RXFP2: variants seen among roughly 807,000 people sequenced by gnomAD.
RXFP2 encodes relaxin receptor 2.
RXFP2 carries 68 observed loss-of-function variants against 88.6 expected under a neutral mutation model. The ratio of observed to expected loss-of-function variants is 0.77; its 90% CI spans 0.63 to 0.94. RXFP2 has a LOEUF of 0.94. RXFP2 is among the 40% of genes least tolerant of loss of function. The pLI is 0.00. For missense variants in RXFP2, 791 were observed against 893.9 expected (o/e 0.88, Z 1.47); for synonymous variants, 329 against 306.8 (o/e 1.07, Z -0.76).
intron 1 of RXFP2, among the ~76,000 whole-genome samples, chr13:31,746,510 G>C (rs1871422745): frequency 6.6e-6 from 1 of 152,116 alleles, no homozygotes; most frequent in Admixed American, 6.5e-5. Context: ...TTTACCTATA[G>C]AGCAGACTTG....
intron 16 of RXFP2, among the ~76,000 whole-genome samples, 170 bp downstream of exon 16, chr13:31,793,258 CTT>C (rs1324238063): frequency 6.6e-6 from 1 of 152,040 alleles, no homozygotes; most frequent in African/African-American, 2.4e-5. Context: ...TTTTATTAAA[CTT>C]TTTATTAGAC....
At position 31,802,171 on chromosome 13, in the gene RXFP2, T is replaced by A. The variant is rs775384621; in HGVS notation, c.2031T>A (p.Ile677=). 10 of 1,614,018 alleles carry A rather than the reference T, an allele frequency of 6.2e-6. No individual in the cohort carries two copies. The East Asian group carries it at 2.0e-4, about 32-fold the overall frequency. ...IPDTMTSWIV[I]FFLPVNSALN... ...ACACAATGACTTCCTGGATAGTGAT[T>A]TTTTTCCTTCCAGTTAACAGTGCTT... Residue 677 remains isoleucine, a synonymous_variant, in exon 18 of 18, where the codon ATT becomes ATA. Coordinates refer to ENST00000298386, the MANE Select transcript of RXFP2 (RefSeq NM_130806.5).
intron 1 of RXFP2, among the ~76,000 whole-genome samples, chr13:31,755,447 G>A (rs1016531899): frequency 6.6e-6 from 1 of 152,066 alleles, no homozygotes; most frequent in African/African-American, 2.4e-5. Context: ...GAGAGTGAGT[G>A]TGGGGGTGTA....
At chr13:31,765,907 G>C in intron 4 of RXFP2, 49 bp from the exon 5 acceptor site, 1 of 872,728 alleles carries the variant, frequency 1.1e-6, no homozygotes, top group South Asian at 1.4e-5. Flanking sequence ...GGGAAGAGTG[G>C]GTTGGCCATA....
chr13:31,748,652 C>G lies in RXFP2; in HGVS notation c.94+8946C>G, dbSNP rs1871526726. Among the ~76,000 whole-genome samples the G allele has an allele frequency of 2.6e-5, 4 of 152,112 alleles. No individual in the cohort carries two copies. The South Asian group carries it at 8.3e-4, about 32-fold the overall frequency. ...AGACCCTTTGCAAATATCCTCTACT[C>G]TGCAGCTTGTCTTTGCACTCTCTTA... On this transcript the variant is annotated intron_variant, in intron 1 of 17. Coordinates refer to ENST00000298386, the MANE Select transcript of RXFP2 (RefSeq NM_130806.5).
intron 17 of RXFP2, among the ~76,000 whole-genome samples, chr13:31,797,878 G>C (rs939020060): frequency 1.8e-4 from 28 of 152,126 alleles, no homozygotes; most frequent in Non-Finnish European, 8.8e-5. Context: ...TGCGGAGCAC[G>C]AGATATTTCC....
chr13:31,778,480 T>C lies in RXFP2; in HGVS notation c.714-32T>C, dbSNP rs145907280. On this transcript the variant is annotated intron_variant, in intron 8 of 17. Coordinates refer to ENST00000298386, the MANE Select transcript of RXFP2 (RefSeq NM_130806.5). ...ACTGTCCTAAAAGTGTCATATCATT[T>C]TATTTCTAATTAACATTTTCTTTGT... 1.8e-3 allele frequency: 2,637 copies of C among 1,436,736 alleles called. 45 individuals carry two copies. In the African/African-American group the frequency reaches 0.032, roughly 18 times the overall value. The allele number at this position is 1,436,736 out of a possible 1,614,324, so 89.0% of individuals were successfully genotyped here.
chr13:31,763,289 T>C (rs1348440304), intron 3 of RXFP2, among the ~76,000 whole-genome samples: 5 of 152,080 alleles, frequency 3.3e-5, no homozygotes, highest in Non-Finnish European at 7.4e-5. Flanking sequence ...CTTACCATGT[T>C]GCCCAGGCTG....
At position 31,758,315 on chromosome 13, in the gene RXFP2, C is replaced by T; in HGVS notation, c.152C>T (p.Pro51Leu). The T allele has an allele frequency of 1.2e-6, 2 of 1,614,036 alleles. No homozygotes were observed. Among genetic ancestry groups the T allele is most frequent in the Non-Finnish European group, 1.7e-6 (2 of 1,180,000 alleles). The change falls in exon 2 of 18, where the codon CCC becomes CTC. Residue 51 changes from proline (P) to leucine (L), a missense_variant. Physicochemically the swap from Pro to Leu is moderately conservative, Grantham distance 98 (BLOSUM62 -3). Transcript: ENST00000298386. ...ITPSCQKGYF[P>L]CGNLTKCLPR... ...CCTTCATGCCAAAAAGGATATTTTC[C>T]CTGTGGGAATCTTACCAAGTGCTTA...
Position 31,793,028 on chromosome 13 carries a change from C to T in RXFP2, c.1726C>T (p.Leu576Phe). The T allele has an allele frequency of 6.2e-7, 1 of 1,613,136 alleles. No homozygotes were observed. ...TGGGAAAAATGGAGTATGTTTCCCACTTTATTATGACCAAACAGAAGATAT... is the reference window on the plus strand; with the variant it reads ...TGGGAAAAATGGAGTATGTTTCCCATTTTATTATGACCAAACAGAAGATAT... ...FYGKNGVCFPLYYDQTEDIGS... is the reference protein window; with the variant it reads ...FYGKNGVCFPFYYDQTEDIGS... The change falls in exon 16 of 18, where the codon CTT (leucine) becomes TTT (phenylalanine). Residue 576 changes from leucine (L) to phenylalanine (F), a missense_variant. Leu to Phe is a conservative substitution (Grantham distance 22). Coordinates refer to ENST00000298386, the MANE Select transcript of RXFP2 (RefSeq NM_130806.5).
intron 1 of RXFP2, among the ~76,000 whole-genome samples, chr13:31,740,746 T>A (rs1338749561): frequency 6.6e-6 from 1 of 152,022 alleles, no homozygotes; most frequent in African/African-American, 2.4e-5. Flanking sequence ...AAAATCTATA[T>A]CTCCATGCAC....
At chr13:31,748,807 A>G (rs1254674025) in intron 1 of RXFP2, among the ~76,000 whole-genome samples, 1 of 152,166 alleles carries the variant, frequency 6.6e-6, no homozygotes, top group Admixed American at 6.5e-5. Flanking sequence ...CAACATGGTG[A>G]AACCCCATCT....
At chr13:31,754,539 A>G (rs547701642) in intron 1 of RXFP2, among the ~76,000 whole-genome samples, 3 of 152,290 alleles carry the variant, frequency 2.0e-5, no homozygotes, top group African/African-American at 4.8e-5. Context: ...TCAAGAAGAA[A>G]AAAAAAAGCA....
intron 1 of RXFP2, among the ~76,000 whole-genome samples, chr13:31,756,192 T>C (rs1399753789): frequency 6.6e-6 from 1 of 152,214 alleles, no homozygotes; most frequent in Non-Finnish European, 1.5e-5. Flanking sequence ...CTACCTCCTT[T>C]AGGAGAGTCT....
intron 5 of RXFP2, among the ~76,000 whole-genome samples, chr13:31,770,803 G>C (rs1461396412): frequency 1.3e-5 from 2 of 152,110 alleles, no homozygotes; most frequent in African/African-American, 4.8e-5. Flanking sequence ...CCCTCCTCAT[G>C]GGCTGGACAG....
Position 31,800,853 on chromosome 13 carries a change from G to A in RXFP2, c.2006-1293G>A, listed in dbSNP as rs145317997. ...CAGATTGTCTAATTTTTTTAAATTA[G>A]GGACAAATAATATAAAACTTAATTT... On this transcript the variant is annotated intron_variant, in intron 17 of 17. Transcript: ENST00000298386. Among the ~76,000 whole-genome samples, 790 of 141,224 alleles carry A rather than the reference G, an allele frequency of 5.6e-3. 5 individuals carry two copies. Among genetic ancestry groups the A allele is most frequent in the Non-Finnish European group, 9.6e-3 (615 of 64,092 alleles). The allele number at this position is 141,224 out of a possible 152,430, so 92.6% of individuals were successfully genotyped here.
chr13:31,754,637 T>A (rs1871846905), intron 1 of RXFP2, among the ~76,000 whole-genome samples: 1 of 152,246 alleles, frequency 6.6e-6, no homozygotes, highest in African/African-American at 2.4e-5. Flanking sequence ...CACCTCTCTA[T>A]TTCAAAATTC....
Position 31,761,732 on chromosome 13 carries a change from A to G in RXFP2, c.250A>G (p.Ser84Gly). 6.2e-7 allele frequency: 1 copy of G among 1,609,780 alleles called. No individual in the cohort carries two copies. The highest frequency in any genetic ancestry group is 1.3e-5 in the African/African-American group (1 of 74,966). The change falls in exon 3 of 18, where the codon AGT becomes GGT. Residue 84 changes from serine to glycine, a missense_variant. Coordinates refer to ENST00000298386, the MANE Select transcript of RXFP2 (RefSeq NM_130806.5). ...GADEENCGDT[S>G]GWATIFGTVH... ...CAATCACTATTTCACAGGTGACACT[A>G]GTGGATGGGCGACCATATTTGGCAC...
At position 31,751,504 on chromosome 13, in the gene RXFP2, C is replaced by T. The variant is rs148328821; in HGVS notation, c.95-6754C>T. Among the ~76,000 whole-genome samples the T allele has an allele frequency of 1.1e-4, 17 of 152,190 alleles. No homozygotes were observed. In the East Asian group the frequency reaches 2.1e-3, roughly 19 times the overall value. On this transcript the variant is annotated intron_variant, in intron 1 of 17. Coordinates refer to ENST00000298386, the MANE Select transcript of RXFP2 (RefSeq NM_130806.5). ...CTGTGCAGTTTCCACACACTCAGCA[C>T]GAGCAGTCTATGTGGATGGTACCCA...
Sources: allele counts gnomAD v4.1 joint callset (sites outside exome capture counted in the v4.1 genomes callset), GRCh38; gene constraint gnomAD v4.1.1; transcripts MANE v1.5; gene names NCBI Gene and HGNC (gene_info 2026-07-23, HGNC 2026-07-21).